DGKB: variants seen among roughly 807,000 people sequenced by gnomAD.
DGKB encodes the protein 90 kDa diacylglycerol kinase.
DGKB carries 67 observed loss-of-function variants against 114.3 expected under a neutral mutation model. The ratio of observed to expected loss-of-function variants is 0.59; its 90% CI spans 0.48 to 0.72. DGKB has a LOEUF of 0.72. Ranked by LOEUF, DGKB falls within the 30% of genes least tolerant of loss-of-function variation. The probability of loss-of-function intolerance (pLI) is 0.00; values close to 1 mark genes in which losing one functional copy is unlikely to be tolerated. For missense variants in DGKB, 907 were observed against 975.2 expected, an observed-to-expected ratio of 0.93 and a Z score of 0.93; for synonymous variants, 398 against 323.1, an observed-to-expected ratio of 1.23 and a Z score of -2.49.
intron 23 of DGKB, among the ~76,000 whole-genome samples, chr7:14,333,519 A>C (rs1810112028): frequency 6.6e-6 from 1 of 152,002 alleles, no homozygotes; most frequent in African/African-American, 2.4e-5. Context: ...TTTGAGGAAG[A>C]CAATTGCAAT....
chr7:14,828,543 C>T (rs891410060), intron 2 of DGKB, among the ~76,000 whole-genome samples: 1 of 152,030 alleles, frequency 6.6e-6, no homozygotes, highest in African/African-American at 2.4e-5. Context: ...CGACACCCCA[C>T]CTCCTGCTAC....
At chr7:14,440,057 G>A (rs951001309) in intron 21 of DGKB, among the ~76,000 whole-genome samples, 1 of 152,010 alleles carries the variant, frequency 6.6e-6, no homozygotes, top group African/African-American at 2.4e-5. Context: ...CAGGGAAGAA[G>A]AAGATAGCTC....
intron 2 of DGKB, among the ~76,000 whole-genome samples, chr7:14,782,160 G>GACTATAGGCCTGTGCCACCAA (rs1041417803): frequency 2.0e-5 from 3 of 151,970 alleles, no homozygotes; most frequent in Non-Finnish European, 4.4e-5. Context: ...GACTAACTGG[G>GACTATAGGCCTGTGCCACCAA]ACTATAGGCC....
chr7:14,183,982 G>A (rs1783015903), intron 23 of DGKB, among the ~76,000 whole-genome samples: 1 of 152,206 alleles, frequency 6.6e-6, no homozygotes, highest in Non-Finnish European at 1.5e-5. Flanking sequence ...CTGAGGAAGT[G>A]GAAAAGGGAG....
intron 16 of DGKB, among the ~76,000 whole-genome samples, chr7:14,609,290 G>A (rs1453236682): frequency 2.0e-5 from 3 of 152,078 alleles, no homozygotes; most frequent in East Asian, 1.9e-4. Flanking sequence ...AAACAATAGC[G>A]AAAGGACTTC....
At chr7:14,970,239 C>G (rs950106593) in intron 1 of DGKB, among the ~76,000 whole-genome samples, 1 of 152,134 alleles carries the variant, frequency 6.6e-6, no homozygotes, top group Non-Finnish European at 1.5e-5. Flanking sequence ...GATGAACTAT[C>G]ACCATCACAT....
At chr7:14,156,548 C>T (rs1024070551) in intron 25 of DGKB, among the ~76,000 whole-genome samples, 2 of 152,058 alleles carry the variant, frequency 1.3e-5, no homozygotes, top group African/African-American at 2.4e-5. Flanking sequence ...TATTATTCCT[C>T]TCTGGATTTT....
intron 18 of DGKB, among the ~76,000 whole-genome samples, chr7:14,582,154 G>A (rs182862392): frequency 2.0e-5 from 3 of 152,160 alleles, no homozygotes; most frequent in Admixed American, 2.0e-4. Context: ...TTATGAAAGG[G>A]CCTGTTTTAA....
intron 13 of DGKB, among the ~76,000 whole-genome samples, chr7:14,657,449 T>C (rs1816084761): frequency 1.3e-5 from 2 of 151,906 alleles, no homozygotes; most frequent in South Asian, 4.1e-4. Context: ...TATTAAGTAA[T>C]GACACTGATG....
chr7:14,161,092 C>A, intron 25 of DGKB, among the ~76,000 whole-genome samples: 1 of 152,088 alleles, frequency 6.6e-6, no homozygotes. Flanking sequence ...TAGAGAAATG[C>A]AAATCAAAAA....
At chr7:14,367,460 T>C (rs1434142080) in intron 21 of DGKB, among the ~76,000 whole-genome samples, 1 of 151,998 alleles carries the variant, frequency 6.6e-6, no homozygotes, top group Non-Finnish European at 1.5e-5. Flanking sequence ...AGATGTTCCT[T>C]TGCTCTTCCT....
chr7:14,253,044 T>A (rs1407000483), intron 23 of DGKB, among the ~76,000 whole-genome samples: 1 of 152,074 alleles, frequency 6.6e-6, no homozygotes, highest in Non-Finnish European at 1.5e-5. Flanking sequence ...ATTCATTTTT[T>A]TTTTTTTAGA....
At chr7:14,875,926 G>GAT (rs1853214772) in intron 1 of DGKB, among the ~76,000 whole-genome samples, 1 of 152,140 alleles carries the variant, frequency 6.6e-6, no homozygotes, top group Non-Finnish European at 1.5e-5. Context: ...GGAGCCAAAA[G>GAT]ATTGGACACT....
At chr7:14,745,614 C>A (rs1833168693) in intron 4 of DGKB, among the ~76,000 whole-genome samples, 1 of 152,144 alleles carries the variant, frequency 6.6e-6, no homozygotes, top group Admixed American at 6.5e-5. Context: ...CCCACATGTG[C>A]ACTGGAATGA....
chr7:14,973,112 T>A (rs553855687), intron 1 of DGKB, among the ~76,000 whole-genome samples: 3 of 152,074 alleles, frequency 2.0e-5, no homozygotes, highest in Admixed American at 2.0e-4. Flanking sequence ...AATAAATCTC[T>A]TACAAGGCAA....
chr7:14,557,226 T>C (rs1796003938), intron 20 of DGKB, among the ~76,000 whole-genome samples: 1 of 152,210 alleles, frequency 6.6e-6, no homozygotes, highest in Non-Finnish European at 1.5e-5. Context: ...TTCAGCAAAT[T>C]TTAGCTATTT....
At chr7:14,639,173 CAT>C (rs1469942447) in intron 13 of DGKB, among the ~76,000 whole-genome samples, 3 of 151,882 alleles carry the variant, frequency 2.0e-5, no homozygotes, top group African/African-American at 2.4e-5. Context: ...AACTGGATAA[CAT>C]AATTTATAAA....
At chr7:14,311,015 C>A (rs886396432) in intron 23 of DGKB, among the ~76,000 whole-genome samples, 1 of 151,964 alleles carries the variant, frequency 6.6e-6, no homozygotes, top group Non-Finnish European at 1.5e-5. Context: ...GCAGTTCCAG[C>A]TACTTAGGAG....
intron 21 of DGKB, among the ~76,000 whole-genome samples, chr7:14,470,096 A>G (rs905935168): frequency 1.3e-5 from 2 of 152,058 alleles, no homozygotes; most frequent in Admixed American, 6.6e-5. Flanking sequence ...ATGAAAAATG[A>G]GTATGTTTCT....
Sources: allele counts gnomAD v4.1 joint callset (sites outside exome capture counted in the v4.1 genomes callset), GRCh38; gene constraint gnomAD v4.1.1; transcripts MANE v1.5; gene names NCBI Gene and HGNC (gene_info 2026-07-23, HGNC 2026-07-21).